The following FAM91A1 variants were observed in gnomAD, a reference collection of about 807,000 sequenced individuals.
FAM91A1 encodes the protein protein FAM91A1.
In FAM91A1, 41 loss-of-function variants were observed where a neutral mutation model predicts 113.5. The observed-to-expected ratio is 0.36, with a 90% CI of 0.28 to 0.47. The LOEUF is 0.47. Among genes scored for constraint, FAM91A1 ranks in the 20% least tolerant of loss-of-function variants. The pLI is 1.00. For synonymous variants in FAM91A1, 307 were observed against 347.9 expected (o/e 0.88, Z 1.31); for missense variants, 696 against 1,001.2 (o/e 0.70, Z 4.11).
At chr8:123,792,199 G>A (rs1361193640) in intron 15 of FAM91A1, among the ~76,000 whole-genome samples, 1 of 152,052 alleles carries the variant, frequency 6.6e-6, no homozygotes, top group Non-Finnish European at 1.5e-5. Flanking sequence ...AAATCCTCTA[G>A]TATTGGTGTT....
At chr8:123,778,221 A>G (rs1815035410) in intron 5 of FAM91A1, 129 bp downstream of exon 5, 8 of 641,258 alleles carry the variant, frequency 1.2e-5, no homozygotes, top group Non-Finnish European at 2.1e-5. Context: ...AAACAATACA[A>G]AAAAAACTCC....
Position 123,812,504 on chromosome 8 carries a change from T to A in FAM91A1, c.2332-15T>A. The A allele has an allele frequency of 6.4e-7, 1 of 1,563,124 alleles. No homozygotes were observed. Reference sequence around the variant, plus strand: ...AAGTGTTGAATATCATTTCTCTTGTTTCTTGATCTTTTAGGAAGGTGCTTC... The same window carrying A: ...AAGTGTTGAATATCATTTCTCTTGTATCTTGATCTTTTAGGAAGGTGCTTC... On this transcript the variant is annotated splice_polypyrimidine_tract_variant and intron_variant, in intron 23 of 23. Coordinates refer to ENST00000334705, the MANE Select transcript of FAM91A1 (RefSeq NM_144963.4).
At chr8:123,769,500 C>T (rs946854571) in intron 1 of FAM91A1, among the ~76,000 whole-genome samples, 1 of 152,152 alleles carries the variant, frequency 6.6e-6, no homozygotes, top group African/African-American at 2.4e-5. Flanking sequence ...GGACTTTATC[C>T]TCCAGACAAG....
chr8:123,786,390 G>A, intron 11 of FAM91A1, 105 bp from the exon 12 acceptor site: 1 of 869,374 alleles, frequency 1.2e-6, no homozygotes, highest in Admixed American at 2.2e-5. Context: ...ATATAAGACT[G>A]AATTTTGATG....
chr8:123,770,182 A>T (rs947508492), intron 1 of FAM91A1, among the ~76,000 whole-genome samples: 7 of 152,076 alleles, frequency 4.6e-5, no homozygotes, highest in African/African-American at 2.4e-5. Context: ...CGATATCTTG[A>T]CCTCATGATC....
chr8:123,812,355 T>A (rs574458511), intron 23 of FAM91A1, among the ~76,000 whole-genome samples, 164 bp from the exon 24 acceptor site: 1 of 152,328 alleles, frequency 6.6e-6, no homozygotes, highest in South Asian at 2.1e-4. Flanking sequence ...TTAATACCTG[T>A]CATTGATTGC....
Position 123,785,067 on chromosome 8 carries a change from AT to A in FAM91A1, c.811-10del. 6.4e-7 allele frequency: 1 copy of A among 1,572,122 alleles called. No individual in the cohort carries two copies. The highest frequency in any genetic ancestry group is 8.6e-7 in the Non-Finnish European group (1 of 1,159,604). On this transcript the variant is annotated splice_polypyrimidine_tract_variant and intron_variant, in intron 9 of 23. Transcript: ENST00000334705. ...TCTAAGAATGTAAAAATAAATTTTA[AT>A]TTTATCTTCTAGCTTGCAAATGTCC...
chr8:123,792,013 A>G (rs1815397966), intron 15 of FAM91A1, among the ~76,000 whole-genome samples: 1 of 152,062 alleles, frequency 6.6e-6, no homozygotes. Context: ...CGTGTTTACT[A>G]AAGATATAAA....
At chr8:123,784,446 A>G in intron 8 of FAM91A1, 24 bp from the exon 9 acceptor site, 1 of 1,553,040 alleles carries the variant, frequency 6.4e-7, no homozygotes, top group Non-Finnish European at 8.8e-7. Context: ...TACCACTGAG[A>G]AAAATCTCTT....
intron 1 of FAM91A1, 100 bp downstream of exon 1, chr8:123,768,874 G>A: frequency 2.5e-6 from 3 of 1,219,008 alleles, no homozygotes; most frequent in Non-Finnish European, 3.5e-6. Flanking sequence ...GCTGCCGGCT[G>A]ACTCCCTTCC....
intron 21 of FAM91A1, 60 bp downstream of exon 21, chr8:123,808,436 G>A (rs901287861): frequency 2.1e-5 from 29 of 1,406,802 alleles, no homozygotes; most frequent in Non-Finnish European, 2.8e-5. Context: ...TAACTTTTAT[G>A]TTAAGGCATT....
intron 15 of FAM91A1, among the ~76,000 whole-genome samples, chr8:123,795,355 G>A (rs1563644413): frequency 1.3e-5 from 2 of 152,064 alleles, no homozygotes; most frequent in Admixed American, 6.6e-5. Flanking sequence ...CATGGGGGCA[G>A]TTTCTCATGG....
chr8:123,782,377 T>C (rs1586374874), intron 8 of FAM91A1, among the ~76,000 whole-genome samples: 1 of 152,278 alleles, frequency 6.6e-6, no homozygotes, highest in East Asian at 1.9e-4. Context: ...AAATAATACC[T>C]GAATGTGATT....
intron 15 of FAM91A1, among the ~76,000 whole-genome samples, chr8:123,796,163 A>G (rs543491419): frequency 1.3e-5 from 2 of 151,824 alleles, no homozygotes; most frequent in Admixed American, 1.3e-4. Flanking sequence ...CAGCCTCTAA[A>G]TCAGGGGGTT....
At chr8:123,785,887 G>A (rs1190831866) in intron 11 of FAM91A1, 146 bp downstream of exon 11, 6 of 519,790 alleles carry the variant, frequency 1.2e-5, no homozygotes, top group African/African-American at 6.0e-5. Flanking sequence ...GCGCGATCTC[G>A]GCTCACTGCA....
rs1026177808 is a variant in FAM91A1 at position 123,814,252 on chromosome 8, T to C, written c.*1548T>C. On this transcript the variant is annotated 3_prime_UTR_variant, in exon 24 of 24. Coordinates refer to ENST00000334705, the MANE Select transcript of FAM91A1 (RefSeq NM_144963.4). ...TTCTTACGACTCTGAGTCACTCACT[T>C]ATTTTTCCAATAATTGATATTGTAC... The C allele has an allele frequency of 3.0e-6, 1 of 336,392 alleles. No individual in the cohort carries two copies. The highest frequency in any genetic ancestry group is 5.6e-6 in the Non-Finnish European group (1 of 178,152). The allele number at this position is 336,392 out of a possible 1,614,324, so 20.8% of individuals were successfully genotyped here.
At chr8:123,777,013 A>T (rs905404024) in intron 3 of FAM91A1, among the ~76,000 whole-genome samples, 1 of 152,162 alleles carries the variant, frequency 6.6e-6, no homozygotes, top group African/African-American at 2.4e-5. Context: ...GGCAGAGGTT[A>T]TGGGGCAGCT....
intron 5 of FAM91A1, 32 bp from the exon 6 acceptor site, chr8:123,778,627 T>C: frequency 6.6e-7 from 1 of 1,511,262 alleles, no homozygotes; most frequent in African/African-American, 1.4e-5. Context: ...TAGTTTTAGA[T>C]TGCAAATTCT....
chr8:123,776,925 A>G (rs141062406), intron 3 of FAM91A1, among the ~76,000 whole-genome samples: 9 of 152,262 alleles, frequency 5.9e-5, no homozygotes, highest in African/African-American at 1.9e-4. Flanking sequence ...CATGGTGGAG[A>G]TCTAGGATCA....
Sources: gnomAD v4.1 joint callset for allele counts (sites outside exome capture counted in the v4.1 genomes callset) on GRCh38, gnomAD v4.1.1 for gene constraint, MANE v1.5 for transcripts, NCBI Gene and HGNC (gene_info 2026-07-23, HGNC 2026-07-21) for gene names.